Variants in RBM20 observed in about 807,000 individuals in gnomAD.
The protein encoded by RBM20 is RNA-binding protein 20.
A neutral mutation model predicts 110.1 loss-of-function variants in RBM20; 51 were observed. That is an observed-to-expected ratio of 0.46 (90% confidence interval 0.37 to 0.59). The LOEUF is 0.59. Ranked by LOEUF, RBM20 falls within the 20% of genes least tolerant of loss-of-function variation. RBM20 has a pLI of 0.00. For missense variants in RBM20, 1,512 were observed against 1,574.9 expected (o/e 0.96, Z 0.68); for synonymous variants, 589 against 618.2 (o/e 0.95, Z 0.70).
intron 1 of RBM20, among the ~76,000 whole-genome samples, chr10:110,683,131 G>T (rs897748706): frequency 2.0e-5 from 3 of 152,170 alleles, no homozygotes; most frequent in Non-Finnish European, 4.4e-5. Context: ...TCCAAAAGTG[G>T]TTGCTAAGTG....
chr10:110,753,930 T>G (rs768811441), intron 1 of RBM20, among the ~76,000 whole-genome samples: 1 of 152,164 alleles, frequency 6.6e-6, no homozygotes, highest in Non-Finnish European at 1.5e-5. Flanking sequence ...GTCAAATCCC[T>G]CTTTGGCCTG....
intron 9 of RBM20, among the ~76,000 whole-genome samples, chr10:110,813,687 T>G (rs945953531): frequency 2.6e-5 from 4 of 151,788 alleles, no homozygotes; most frequent in African/African-American, 7.3e-5. Context: ...ATACAAAAAT[T>G]AGCCAGGCAA....
At chr10:110,806,006 C>T (rs1483061459) in intron 7 of RBM20, among the ~76,000 whole-genome samples, 1 of 152,226 alleles carries the variant, frequency 6.6e-6, no homozygotes, top group African/African-American at 2.4e-5. Flanking sequence ...GCCGTGGTGG[C>T]TCACGCCTGT....
At chr10:110,816,253 A>C (rs374800755) in intron 9 of RBM20, among the ~76,000 whole-genome samples, 1 of 149,114 alleles carries the variant, frequency 6.7e-6, no homozygotes, top group East Asian at 1.9e-4. Context: ...CAACACCCCA[A>C]CCTGCTCTTC....
intron 1 of RBM20, among the ~76,000 whole-genome samples, chr10:110,705,587 T>G (rs1862824510): frequency 6.6e-6 from 1 of 152,258 alleles, no homozygotes; most frequent in Admixed American, 6.5e-5. Context: ...TGGATTTGCA[T>G]GAGCAACTAC....
At chr10:110,692,159 A>G (rs1330687691) in intron 1 of RBM20, among the ~76,000 whole-genome samples, 3 of 152,002 alleles carry the variant, frequency 2.0e-5, no homozygotes, top group Non-Finnish European at 4.4e-5. Context: ...CACTCTTTTG[A>G]TTACTGTAGC....
At chr10:110,767,549 G>A (rs1844120074) in intron 1 of RBM20, among the ~76,000 whole-genome samples, 3 of 150,644 alleles carry the variant, frequency 2.0e-5, no homozygotes, top group Admixed American at 1.3e-4. Context: ...GCTGCCGGGC[G>A]GAGGGGCTCC....
chr10:110,814,572 G>A (rs973489892), intron 9 of RBM20, among the ~76,000 whole-genome samples: 3 of 151,632 alleles, frequency 2.0e-5, no homozygotes, highest in East Asian at 1.9e-4. Flanking sequence ...CTCAGCTCAC[G>A]GCAACCTCTG....
chr10:110,773,179 A>C (rs1844216496), intron 1 of RBM20, among the ~76,000 whole-genome samples: 1 of 152,230 alleles, frequency 6.6e-6, no homozygotes, highest in African/African-American at 2.4e-5. Context: ...AATTTTGTTG[A>C]TATCAGTCCT....
chr10:110,819,952 G>C, intron 9 of RBM20, 120 bp from the exon 10 acceptor site: 1 of 583,220 alleles, frequency 1.7e-6, no homozygotes, highest in South Asian at 2.9e-5. Flanking sequence ...GGAGGATAAA[G>C]GAAATGCTGT....
intron 1 of RBM20, among the ~76,000 whole-genome samples, chr10:110,728,646 A>T (rs1434694284): frequency 6.6e-6 from 1 of 152,134 alleles, no homozygotes; most frequent in African/African-American, 2.4e-5. Flanking sequence ...TTTTTGCCCA[A>T]TCATAATGCT....
intron 11 of RBM20, 31 bp from the exon 12 acceptor site, chr10:110,823,449 T>C: frequency 7.6e-7 from 1 of 1,309,828 alleles, no homozygotes. Context: ...TTTTTTTTTT[T>C]TTTTTTTTTG....
chr10:110,743,419 A>T (rs1843743539), intron 1 of RBM20, among the ~76,000 whole-genome samples: 1 of 152,134 alleles, frequency 6.6e-6, no homozygotes, highest in African/African-American at 2.4e-5. Flanking sequence ...ATCTTATTTT[A>T]TGTTGCATGT....
chr10:110,711,086 A>T (rs555362689), intron 1 of RBM20, among the ~76,000 whole-genome samples: 1 of 152,024 alleles, frequency 6.6e-6, no homozygotes, highest in Non-Finnish European at 1.5e-5. Context: ...CAGCCGGGCG[A>T]TTGTGGCCAC....
rs1028329216 is a variant in RBM20, at chr10:110,746,093, G to C, written c.192-34708G>C. On this transcript the variant is annotated intron_variant, in intron 1 of 13. Transcript: ENST00000369519. ...CACCACGTTTGGTAGCGATTCGGCT[G>C]GAATTCATATGCGTGGGACCTCAGG... 2.6e-5 allele frequency among the ~76,000 whole-genome samples: 4 copies of C among 152,230 alleles called. No homozygotes were observed. In the East Asian group the frequency reaches 5.8e-4, roughly 22 times the overall value.
At chr10:110,746,408 A>G (rs1009244053) in intron 1 of RBM20, among the ~76,000 whole-genome samples, 1 of 152,208 alleles carries the variant, frequency 6.6e-6, no homozygotes, top group African/African-American at 2.4e-5. Context: ...TCATTACGAA[A>G]CATTCTTTAT....
Position 110,812,266 on chromosome 10 carries a change from G to T in RBM20, c.1881-12G>T. On this transcript the variant is annotated splice_polypyrimidine_tract_variant and intron_variant, in intron 8 of 13. Transcript: ENST00000369519. ...TGAAGATTCTAAATCCTGCTCCTTG[G>T]CTCCCTCACAGATATGGCCCAGAAA... is the stretch of plus-strand genomic sequence containing the variant. 1 of 1,532,172 alleles carries T rather than the reference G, an allele frequency of 6.5e-7. No individual in the cohort carries two copies. Among genetic ancestry groups the T allele is most frequent in the Non-Finnish European group, 8.8e-7 (1 of 1,136,584 alleles). The allele number at this position is 1,532,172 out of a possible 1,614,324, so 94.9% of individuals were successfully genotyped here.
intron 1 of RBM20, among the ~76,000 whole-genome samples, chr10:110,729,361 C>T (rs1175135605): frequency 1.3e-5 from 2 of 152,246 alleles, no homozygotes; most frequent in East Asian, 3.8e-4. Flanking sequence ...TTCTGCCCTT[C>T]CTGCCTCTCC....
At chr10:110,731,956 A>G (rs1336915800) in intron 1 of RBM20, among the ~76,000 whole-genome samples, 4 of 152,174 alleles carry the variant, frequency 2.6e-5, no homozygotes, top group Non-Finnish European at 2.9e-5. Flanking sequence ...ACATTCATGG[A>G]CCTTCAGGTC....
Sources: allele counts gnomAD v4.1 joint callset (sites outside exome capture counted in the v4.1 genomes callset), GRCh38; gene constraint gnomAD v4.1.1; transcripts MANE v1.5; gene names NCBI Gene and HGNC (gene_info 2026-07-23, HGNC 2026-07-21).